NELL1: variants seen among roughly 807,000 people sequenced by gnomAD.
NELL1 encodes the protein neural EGFL like 1.
Under a neutral mutation model 107.4 loss-of-function variants are expected in NELL1, and 76 were observed. The observed-to-expected ratio is 0.71, with a 90% confidence interval of 0.59 to 0.86. The LOEUF is 0.86. Ranked by LOEUF, NELL1 falls within the 40% of genes least tolerant of loss-of-function variation. The probability of loss-of-function intolerance (pLI) is 0.00; values close to 1 mark genes in which losing one functional copy is unlikely to be tolerated. For missense variants in NELL1, 1,024 were observed against 1,005.5 expected, an observed-to-expected ratio of 1.02 and a Z score of -0.25; for synonymous variants, 353 against 341.2, an observed-to-expected ratio of 1.03 and a Z score of -0.38.
intron 15 of NELL1, among the ~76,000 whole-genome samples, chr11:21,463,162 T>C (rs889977944): frequency 3.3e-5 from 5 of 152,004 alleles, no homozygotes; most frequent in Non-Finnish European, 5.9e-5. Context: ...GAGACTAGAT[T>C]AGCAATATGC....
At chr11:21,489,122 A>G (rs1024839352) in intron 15 of NELL1, among the ~76,000 whole-genome samples, 1 of 152,002 alleles carries the variant, frequency 6.6e-6, no homozygotes, top group Non-Finnish European at 1.5e-5. Flanking sequence ...ACAGAAATAC[A>G]AAAGATCATC....
At chr11:21,498,278 A>G (rs113187739) in intron 15 of NELL1, among the ~76,000 whole-genome samples, 4 of 149,728 alleles carry the variant, frequency 2.7e-5, no homozygotes, top group African/African-American at 9.7e-5. Flanking sequence ...ATAAAAATTG[A>G]CATGCCTCCA....
At chr11:20,857,688 A>T (rs11025789) in intron 4 of NELL1, among the ~76,000 whole-genome samples, 2 of 152,080 alleles carry the variant, frequency 1.3e-5, no homozygotes, top group Admixed American at 6.5e-5. Context: ...GACGCTGCCC[A>T]GGTTTAGAAG....
chr11:20,866,237 CCTG>C (rs1333933973), intron 4 of NELL1, among the ~76,000 whole-genome samples: 1 of 152,152 alleles, frequency 6.6e-6, no homozygotes, highest in African/African-American at 2.4e-5. Flanking sequence ...TGCATCCTCA[CCTG>C]CTCCTCAGCA....
chr11:21,209,245 G>C lies in NELL1; in HGVS notation c.1427-20087G>C, dbSNP rs547189433. On this transcript the variant is annotated intron_variant, in intron 13 of 19. Transcript: ENST00000357134. ...CAGATTTTCAGATTTTACATTCTAG[G>C]AACCATCTTGTTCCTAGATATGTGT... is the stretch of plus-strand genomic sequence containing the variant. Among the ~76,000 whole-genome samples the C allele has an allele frequency of 2.0e-5, 3 of 151,168 alleles. No individual in the cohort carries two copies. In the South Asian group the frequency reaches 6.3e-4, roughly 32 times the overall value.
At chr11:21,065,951 C>T (rs1251384073) in intron 12 of NELL1, among the ~76,000 whole-genome samples, 1 of 152,118 alleles carries the variant, frequency 6.6e-6, no homozygotes, top group Non-Finnish European at 1.5e-5. Flanking sequence ...GGAACTCACC[C>T]ATGTCTACCC....
rs4309160 is a variant in NELL1 at position 21,504,752 on chromosome 11, T to C, written c.1646-29622T>C. On this transcript the variant is annotated intron_variant, in intron 15 of 19. Coordinates refer to ENST00000357134, the MANE Select transcript of NELL1 (RefSeq NM_006157.5). ...ATTTATTTTAAACTCATCCATTCAC[T>C]AGCTCGAAGCAGAGAATTCGAAGGC... Among the ~76,000 whole-genome samples the C allele has an allele frequency of 0.014, 2,139 of 152,278 alleles. 150 individuals are homozygous for C. The East Asian group carries it at 0.23, about 16-fold the overall frequency.
chr11:21,064,741 A>C (rs1224283662), intron 12 of NELL1, among the ~76,000 whole-genome samples: 2 of 152,196 alleles, frequency 1.3e-5, no homozygotes, highest in Admixed American at 1.3e-4. Context: ...AGTGCTCTTA[A>C]GTTAGATGAC....
At chr11:21,088,059 CTGTGTGTGTGTGTGTGTGTG>C (rs56900585) in intron 12 of NELL1, among the ~76,000 whole-genome samples, 3 of 135,992 alleles carry the variant, frequency 2.2e-5, no homozygotes, top group East Asian at 2.2e-4. Flanking sequence ...CCCAGTAGCT[CTGTGTGTGTGTGTGTGTGTG>C]TGTGTGTGTG....
At chr11:21,510,603 G>GTA (rs1385908382) in intron 15 of NELL1, among the ~76,000 whole-genome samples, 1 of 152,196 alleles carries the variant, frequency 6.6e-6, no homozygotes, top group Non-Finnish European at 1.5e-5. Flanking sequence ...CAGCCTGGCA[G>GTA]TATATGTTTG....
chr11:21,427,403 G>C (rs1212558427), intron 15 of NELL1, among the ~76,000 whole-genome samples: 1 of 152,146 alleles, frequency 6.6e-6, no homozygotes, highest in Non-Finnish European at 1.5e-5. Context: ...TATATTTGCT[G>C]AACAATAATC....
At chr11:21,433,829 C>T (rs1430611631) in intron 15 of NELL1, among the ~76,000 whole-genome samples, 1 of 152,094 alleles carries the variant, frequency 6.6e-6, no homozygotes, top group African/African-American at 2.4e-5. Flanking sequence ...GCATGGGCCA[C>T]CATGCCCAGC....
intron 5 of NELL1, among the ~76,000 whole-genome samples, chr11:20,891,085 A>G (rs1336381638): frequency 6.6e-6 from 1 of 152,210 alleles, no homozygotes; most frequent in East Asian, 1.9e-4. Flanking sequence ...GAAATGAAGG[A>G]AAAAAACTGT....
At position 20,927,430 on chromosome 11, in the gene NELL1, C is replaced by T; in HGVS notation, c.882C>T (p.Asn294=). ...DSWVDGDHCR[N]CTCKSGAVEC... is the part of the protein sequence containing the mutation. ...GGGTAGATGGTGACCATTGCAGGAA[C>T]TGCACTTGCAAAGTAAGCCTCTTTG... is the stretch of plus-strand genomic sequence containing the variant. The change falls in exon 8 of 20, where the codon AAC becomes AAT. Residue 294 remains asparagine, a synonymous_variant. Coordinates refer to ENST00000357134, the MANE Select transcript of NELL1 (RefSeq NM_006157.5). 1 of 1,609,006 alleles carries T rather than the reference C, an allele frequency of 6.2e-7. No homozygotes were observed. Among genetic ancestry groups the T allele is most frequent in the Non-Finnish European group, 8.5e-7 (1 of 1,179,066 alleles).
intron 2 of NELL1, among the ~76,000 whole-genome samples, chr11:20,682,585 A>G (rs1216388011): frequency 6.6e-6 from 1 of 152,034 alleles, no homozygotes; most frequent in Non-Finnish European, 1.5e-5. Flanking sequence ...AGGTTTATTG[A>G]GGTATAATTA....
At chr11:21,227,066 G>T (rs1339315687) in intron 13 of NELL1, among the ~76,000 whole-genome samples, 1 of 152,190 alleles carries the variant, frequency 6.6e-6, no homozygotes, top group Non-Finnish European at 1.5e-5. Flanking sequence ...ATGCTGCACA[G>T]AACCATACCT....
intron 4 of NELL1, among the ~76,000 whole-genome samples, chr11:20,853,313 T>C (rs1848824341): frequency 6.6e-6 from 1 of 152,252 alleles, no homozygotes; most frequent in Non-Finnish European, 1.5e-5. Flanking sequence ...TTGCGCTCCG[T>C]GGTTTAATCT....
chr11:20,702,712 A>G lies in NELL1; in HGVS notation c.184+24652A>G, dbSNP rs970483899. ...AATACCTAATTTATTGAGAGATTTT[A>G]GCATGAAGCGCTGTTGAATTTTGAC... is the stretch of plus-strand genomic sequence containing the variant. On this transcript the variant is annotated intron_variant, in intron 2 of 19. Coordinates refer to ENST00000357134, the MANE Select transcript of NELL1 (RefSeq NM_006157.5). 8.5e-5 allele frequency among the ~76,000 whole-genome samples: 13 copies of G among 152,356 alleles called. 1 individual carries two copies. Among genetic ancestry groups the G allele is most frequent in the African/African-American group, 3.1e-4 (13 of 41,580 alleles).
intron 14 of NELL1, among the ~76,000 whole-genome samples, chr11:21,358,565 A>ATTTTTTTTTTTTTTTTTTTTT (rs75578174): frequency 3.1e-5 from 3 of 97,684 alleles, no homozygotes; most frequent in Non-Finnish European, 4.0e-5. Context: ...TGCCCTGATA[A>ATTTTTTTTTTTTTTTTTTTTT]TTTTTTTTTT....
Sources: allele counts gnomAD v4.1 joint callset (sites outside exome capture counted in the v4.1 genomes callset), GRCh38; gene constraint gnomAD v4.1.1; transcripts MANE v1.5; gene names NCBI Gene and HGNC (gene_info 2026-07-23, HGNC 2026-07-21).